The following PPARD variants were observed in gnomAD, a reference collection of about 807,000 sequenced individuals.
PPARD encodes the protein peroxisome proliferator activated receptor delta.
A neutral mutation model predicts 39.5 loss-of-function variants in PPARD; 6 were observed. That is an observed-to-expected ratio of 0.15 (90% CI 0.08 to 0.30). PPARD has a LOEUF of 0.30. Among genes scored for constraint, PPARD ranks in the 10% least tolerant of loss-of-function variants. The pLI is 1.00. For synonymous variants in PPARD, 210 were observed against 231.3 expected, an observed-to-expected ratio of 0.91 and a Z score of 0.83; for missense variants, 397 against 596.8, an observed-to-expected ratio of 0.67 and a Z score of 3.49.
At chr6:35,365,576 C>T (rs1762170723) in intron 2 of PPARD, among the ~76,000 whole-genome samples, 1 of 150,842 alleles carries the variant, frequency 6.6e-6, no homozygotes, top group Non-Finnish European at 1.5e-5. Flanking sequence ...ACTGCAACCT[C>T]TGCCTCCTGG....
chr6:35,363,591 C>T lies in PPARD; in HGVS notation c.-102+16441C>T, dbSNP rs1762036704. ...GTAGGTCTGAGTAGGTGGTGTGGAC[C>T]CACCAGGAAAGGGTGGATCCAGTGA... On this transcript the variant is annotated intron_variant, in intron 2 of 7. Coordinates refer to ENST00000360694, the MANE Select transcript of PPARD (RefSeq NM_006238.5). The surrounding 1 kb of genome is among the most constrained non-coding windows in gnomAD (Gnocchi z 4.5). Among the ~76,000 whole-genome samples, 1 of 152,072 alleles carries T rather than the reference C, an allele frequency of 6.6e-6. No individual in the cohort carries two copies.
intron 2 of PPARD, among the ~76,000 whole-genome samples, chr6:35,378,583 T>G (rs1227273842): frequency 6.6e-6 from 1 of 152,120 alleles, no homozygotes; most frequent in African/African-American, 2.4e-5. Flanking sequence ...GAGTGCCAGG[T>G]GGAGGAATAC....
chr6:35,392,669 G>A (rs1204859143), intron 2 of PPARD, among the ~76,000 whole-genome samples: 5 of 152,286 alleles, frequency 3.3e-5, no homozygotes, highest in East Asian at 1.9e-4. Context: ...CTACGTGCTC[G>A]GGACGCCCCA....
chr6:35,361,455 C>A (rs375530880), intron 2 of PPARD, among the ~76,000 whole-genome samples: 2 of 152,210 alleles, frequency 1.3e-5, no homozygotes, highest in African/African-American at 4.8e-5. Context: ...TGAGATCAAC[C>A]TGGGCAACGT....
At chr6:35,357,290 T>G (rs1272289671) in intron 2 of PPARD, among the ~76,000 whole-genome samples, 2 of 152,198 alleles carry the variant, frequency 1.3e-5, no homozygotes, top group Non-Finnish European at 2.9e-5. Flanking sequence ...TCTGCCATCC[T>G]GATCTAGAGC....
intron 2 of PPARD, among the ~76,000 whole-genome samples, chr6:35,372,454 C>T (rs564174472): frequency 6.6e-6 from 1 of 152,352 alleles, no homozygotes; most frequent in Non-Finnish European, 1.5e-5. Context: ...GCTGGGATTA[C>T]AGGTGTGAGC....
Position 35,411,148 on chromosome 6 carries a change from G to T in PPARD, c.61G>T (p.Ala21Ser), listed in dbSNP as rs1456950844. The stretch of plus-strand genomic sequence containing the variant: ...GGAAGAGGAGGAGAAAGAGGAAGTG[G>T]CAGAGGCAGAAGGAGCCCCAGAGCT... The part of the protein sequence containing the change: ...VREEEEKEEV[A>S]EAEGAPELNG... Residue 21 changes from alanine (A) to serine (S), a missense_variant, in exon 3 of 8, where the codon GCA becomes TCA. By Grantham distance (99) the Ala-to-Ser change is moderately conservative. Transcript: ENST00000360694. 2 of 1,582,508 alleles carry T rather than the reference G, an allele frequency of 1.3e-6. No individual in the cohort carries two copies. Among genetic ancestry groups the T allele is most frequent in the Non-Finnish European group, 1.7e-6 (2 of 1,163,186 alleles).
chr6:35,349,369 AGGG>A (rs1761097226), intron 2 of PPARD, among the ~76,000 whole-genome samples: 1 of 152,202 alleles, frequency 6.6e-6, no homozygotes, highest in Admixed American at 6.5e-5. Context: ...ACCTAGGACC[AGGG>A]GTGTGTCCAA....
chr6:35,365,130 C>CCTTTTTTTTTTTTTTTTT (rs1281072287), intron 2 of PPARD, among the ~76,000 whole-genome samples: 2 of 121,088 alleles, frequency 1.7e-5, no homozygotes, highest in African/African-American at 6.9e-5. Context: ...CTTCCTTATT[C>CCTTTTTTTTTTTTTTTTT]TTTTTTTTTT....
Position 35,424,553 on chromosome 6 carries a change from T to C in PPARD, c.852T>C (p.Tyr284=). The change falls in exon 7 of 8, where the codon TAT becomes TAC. Residue 284 remains tyrosine (Y), a synonymous_variant. Coordinates refer to ENST00000360694, the MANE Select transcript of PPARD (RefSeq NM_006238.5). The surrounding 1 kb of genome is among the most constrained non-coding windows in gnomAD (Gnocchi z 7.1). ...FLNDQVTLLK[Y]GVHEAIFAML... is the part of the protein sequence containing the mutation. ...ACGACCAGGTTACCCTTCTCAAGTA[T>C]GGCGTGCACGAGGCCATCTTCGCCA... 1 of 1,614,240 alleles carries C rather than the reference T, an allele frequency of 6.2e-7. No homozygotes were observed. The highest frequency in any genetic ancestry group is 8.5e-7 in the Non-Finnish European group (1 of 1,180,036).
chr6:35,372,842 T>G, intron 2 of PPARD, among the ~76,000 whole-genome samples: 1 of 152,232 alleles, frequency 6.6e-6, no homozygotes, highest in Non-Finnish European at 1.5e-5. Flanking sequence ...GGGTCTCAGT[T>G]TTCTCATCTG....
intron 2 of PPARD, among the ~76,000 whole-genome samples, chr6:35,367,168 G>A (rs1350489887): frequency 6.6e-6 from 1 of 152,194 alleles, no homozygotes; most frequent in Non-Finnish European, 1.5e-5. Flanking sequence ...CACTGTAACA[G>A]GAAGAAGAGA....
Position 35,390,107 on chromosome 6 carries a change from C to T in PPARD, c.-101-20880C>T, listed in dbSNP as rs116139679. Among the ~76,000 whole-genome samples the T allele has an allele frequency of 4.4e-3, 672 of 152,336 alleles. 4 individuals are homozygous for T. The highest frequency in any genetic ancestry group is 0.015 in the African/African-American group (605 of 41,578). The stretch of plus-strand genomic sequence containing the variant: ...CAGATGTGCCCTGTGTTCTCGGCTG[C>T]GTTGCCTGACTCACCTTGGCCTTCC... On this transcript the variant is annotated intron_variant, in intron 2 of 7. Coordinates refer to ENST00000360694, the MANE Select transcript of PPARD (RefSeq NM_006238.5).
chr6:35,392,557 C>T (rs1243289741), intron 2 of PPARD, among the ~76,000 whole-genome samples: 8 of 152,134 alleles, frequency 5.3e-5, no homozygotes, highest in Non-Finnish European at 1.2e-4. Context: ...TTGCCTCAGC[C>T]TGCCTGGGTT....
chr6:35,378,204 A>C (rs1244753601), intron 2 of PPARD, among the ~76,000 whole-genome samples: 1 of 151,980 alleles, frequency 6.6e-6, no homozygotes. Context: ...CCTTGAGAGC[A>C]GGGTCTTGTT....
chr6:35,351,892 G>C (rs1761276931), intron 2 of PPARD, among the ~76,000 whole-genome samples: 1 of 124,592 alleles, frequency 8.0e-6, no homozygotes, highest in East Asian at 3.0e-4. Context: ...TTTTGATATG[G>C]GGTCTCACTC....
chr6:35,369,198 T>C (rs1321073614), intron 2 of PPARD, among the ~76,000 whole-genome samples: 2 of 152,242 alleles, frequency 1.3e-5, no homozygotes, highest in African/African-American at 4.8e-5. Flanking sequence ...CCACGGTTAA[T>C]GTTTTGAATG....
chr6:35,365,822 T>C (rs1386456667), intron 2 of PPARD, among the ~76,000 whole-genome samples: 1 of 151,810 alleles, frequency 6.6e-6, no homozygotes, highest in Admixed American at 6.6e-5. Context: ...CATTGATGAA[T>C]GTGCAGGTGA....
chr6:35,368,189 C>T (rs1248067373), intron 2 of PPARD, among the ~76,000 whole-genome samples: 5 of 152,240 alleles, frequency 3.3e-5, no homozygotes, highest in Non-Finnish European at 7.3e-5. Flanking sequence ...TCCAAGATCA[C>T]TGTGTCTTAG....
Sources: gnomAD v4.1 joint callset for allele counts (sites outside exome capture counted in the v4.1 genomes callset) on GRCh38, gnomAD v4.1.1 for gene constraint, Gnocchi (gnomAD v3.1) non-coding constraint, MANE v1.5 for transcripts, NCBI Gene and HGNC (gene_info 2026-07-23, HGNC 2026-07-21) for gene names.